Variants in KDM4C observed in about 807,000 individuals in gnomAD.
KDM4C encodes lysine demethylase 4C, also known as lysine-specific demethylase 4C.
KDM4C carries 81 observed loss-of-function variants against 129.3 expected under a neutral mutation model. The observed-to-expected ratio is 0.63, with a 90% CI of 0.52 to 0.75. KDM4C has a LOEUF of 0.75. Among genes scored for constraint, KDM4C ranks in the 30% least tolerant of loss-of-function variants. The probability of loss-of-function intolerance (pLI) is 0.00; values close to 1 mark genes in which losing one functional copy is unlikely to be tolerated. For missense variants in KDM4C, 1,457 were observed against 1,304.0 expected (o/e 1.12, Z -1.81); for synonymous variants, 573 against 456.1 (o/e 1.26, Z -3.26).
At chr9:7,156,694 T>A (rs12343417) in intron 19 of KDM4C, among the ~76,000 whole-genome samples, 2,634 of 152,316 alleles carry the variant, frequency 0.017, 73 homozygotes, top group African/African-American at 0.06. Flanking sequence ...AGGCCTGTGT[T>A]CTGTTCCATT....
chr9:6,879,683 G>T (rs1280131069), intron 5 of KDM4C, among the ~76,000 whole-genome samples: 1 of 152,184 alleles, frequency 6.6e-6, no homozygotes, highest in Non-Finnish European at 1.5e-5. Flanking sequence ...GGGGTGCTAT[G>T]AGAGCTGGCA....
At chr9:6,888,546 C>T (rs981509345) in intron 7 of KDM4C, among the ~76,000 whole-genome samples, 4 of 152,088 alleles carry the variant, frequency 2.6e-5, no homozygotes, top group African/African-American at 4.8e-5. Flanking sequence ...ATTGCTTCTG[C>T]GAGTTTTCTG....
At chr9:6,852,901 T>G (rs1839118926) in intron 5 of KDM4C, among the ~76,000 whole-genome samples, 1 of 152,128 alleles carries the variant, frequency 6.6e-6, no homozygotes, top group East Asian at 1.9e-4. Context: ...TAGACATTGT[T>G]TTGGCATCTT....
intron 2 of KDM4C, among the ~76,000 whole-genome samples, chr9:6,804,633 CTGTAATCCTGGCTACT>C (rs1829633863): frequency 6.6e-6 from 1 of 151,926 alleles, no homozygotes; most frequent in Admixed American, 6.6e-5. Context: ...TGGCAGGCGC[CTGTAATCCTGGCTACT>C]TGGGAGCCTG....
intron 8 of KDM4C, among the ~76,000 whole-genome samples, chr9:6,963,736 C>T (rs1005674833): frequency 3.3e-5 from 5 of 152,178 alleles, no homozygotes; most frequent in African/African-American, 7.2e-5. Flanking sequence ...CACATTCTTC[C>T]AGAGAAGCAT....
chr9:6,849,125 C>G (rs557232147), intron 4 of KDM4C, among the ~76,000 whole-genome samples: 20 of 152,292 alleles, frequency 1.3e-4, no homozygotes, highest in Non-Finnish European at 2.5e-4. Flanking sequence ...AAACCCAAAT[C>G]TCAAAACCCC....
At chr9:6,889,248 T>TGTGTGTGTGTGTGTGTGTGG (rs1845756322) in intron 7 of KDM4C, among the ~76,000 whole-genome samples, 1 of 83,648 alleles carries the variant, frequency 1.2e-5, no homozygotes, top group Non-Finnish European at 2.4e-5. Context: ...TGTGTGTGTG[T>TGTGTGTGTGTGTGTGTGTGG]GTGGGAGGGT....
intron 6 of KDM4C, among the ~76,000 whole-genome samples, chr9:6,881,154 A>C (rs1007261609): frequency 6.6e-6 from 1 of 152,208 alleles, no homozygotes; most frequent in African/African-American, 2.4e-5. Flanking sequence ...GAGAAACCTC[A>C]TTGCTTGACT....
chr9:6,727,052 A>G (rs751720865), intron 1 of KDM4C: 4 of 152,174 alleles, frequency 2.6e-5, no homozygotes, highest in African/African-American at 4.8e-5. Context: ...TTATATTTGT[A>G]AAAAGCGTAC....
intron 5 of KDM4C, among the ~76,000 whole-genome samples, chr9:6,871,402 C>T (rs1464039302): frequency 6.6e-6 from 1 of 151,944 alleles, no homozygotes; most frequent in African/African-American, 2.4e-5. Context: ...TTTCCTTGGC[C>T]TTCAAAATAA....
chr9:6,792,615 C>T (rs997761711), intron 1 of KDM4C, among the ~76,000 whole-genome samples: 1 of 152,092 alleles, frequency 6.6e-6, no homozygotes, highest in Non-Finnish European at 1.5e-5. Flanking sequence ...TCTCGAACTC[C>T]TGACCTTGTG....
At chr9:7,095,933 G>A (rs1163975956) in intron 17 of KDM4C, among the ~76,000 whole-genome samples, 2 of 152,184 alleles carry the variant, frequency 1.3e-5, no homozygotes, top group Non-Finnish European at 2.9e-5. Flanking sequence ...GGAAATAGGT[G>A]CTCTTTAATA....
At position 6,865,238 on chromosome 9, in the gene KDM4C, G is replaced by A. The variant is rs566626860; in HGVS notation, c.630-14774G>A. The stretch of plus-strand genomic sequence containing the variant: ...TTTGCCAGGATGGTCTCGATCTCCT[G>A]ACCTCGTGATCCGACCGCCTTGGCC... On this transcript the variant is annotated intron_variant, in intron 5 of 21. Coordinates refer to ENST00000381309, the MANE Select transcript of KDM4C (RefSeq NM_015061.6). 8.5e-5 allele frequency among the ~76,000 whole-genome samples: 13 copies of A among 152,184 alleles called. No homozygotes were observed. In the South Asian group the frequency reaches 2.7e-3, roughly 32 times the overall value.
At chr9:7,047,380 T>G (rs1203600777) in intron 16 of KDM4C, among the ~76,000 whole-genome samples, 1 of 151,898 alleles carries the variant, frequency 6.6e-6, no homozygotes, top group African/African-American at 2.4e-5. Context: ...GTGTACTAAA[T>G]TAGAAAAGAT....
chr9:6,919,535 CTG>C lies in KDM4C; in HGVS notation c.921+26305_921+26306del, dbSNP rs1375073047. 1.9e-4 allele frequency among the ~76,000 whole-genome samples: 11 copies of C among 57,514 alleles called. No individual in the cohort carries two copies. The Admixed American group carries it at 2.4e-3, about 13-fold the overall frequency. The allele number at this position is 57,514 out of a possible 152,430, so 37.7% of individuals were successfully genotyped here. Reference sequence around the variant, plus strand: ...TATTTCATCTTTCAATTTCATCTGTCTGTCTGTCTGTCTATCTATCTATCTAT... The same window carrying C: ...TATTTCATCTTTCAATTTCATCTGTCTCTGTCTGTCTATCTATCTATCTAT... On this transcript the variant is annotated intron_variant, in intron 8 of 21. Coordinates refer to ENST00000381309, the MANE Select transcript of KDM4C (RefSeq NM_015061.6).
In KDM4C at chr9:7,062,674, G is replaced by A. The variant is rs566112828; in HGVS notation, c.2424+13474G>A. On this transcript the variant is annotated intron_variant, in intron 17 of 21. Coordinates refer to ENST00000381309, the MANE Select transcript of KDM4C (RefSeq NM_015061.6). ...GCTGGGATTATAGGCATGCGCCACC[G>A]TGCCCAGCCCCCTTTTTTTTTTCCC... 5.9e-5 allele frequency among the ~76,000 whole-genome samples: 9 copies of A among 151,934 alleles called. No homozygotes were observed. In the South Asian group the frequency reaches 1.5e-3, roughly 25 times the overall value.
intron 5 of KDM4C, among the ~76,000 whole-genome samples, chr9:6,862,036 T>G (rs1467524894): frequency 6.6e-6 from 1 of 152,122 alleles, no homozygotes; most frequent in Non-Finnish European, 1.5e-5. Flanking sequence ...CCTCCCAAAG[T>G]GCTGGGATTA....
rs75577570 is a variant in KDM4C at position 7,054,116 on chromosome 9, C to T, written c.2424+4916C>T. ...CAAACCCCTTCCCTGTGCCCTGCAG[C>T]ACCTTCTCTGTTCACCAAAAGAATA... is the stretch of plus-strand genomic sequence containing the variant. On this transcript the variant is annotated intron_variant, in intron 17 of 21. Coordinates refer to ENST00000381309, the MANE Select transcript of KDM4C (RefSeq NM_015061.6). 9.2e-3 allele frequency among the ~76,000 whole-genome samples: 1,396 copies of T among 152,316 alleles called. 24 individuals carry two copies. The highest frequency in any genetic ancestry group is 0.029 in the African/African-American group (1,214 of 41,564).
At chr9:6,829,365 G>T (rs940690182) in intron 4 of KDM4C, among the ~76,000 whole-genome samples, 2 of 152,230 alleles carry the variant, frequency 1.3e-5, no homozygotes, top group African/African-American at 4.8e-5. Flanking sequence ...GCAGATTTCT[G>T]TGGGAAAGTA....
Sources: allele counts gnomAD v4.1 joint callset (sites outside exome capture counted in the v4.1 genomes callset), GRCh38; gene constraint gnomAD v4.1.1; transcripts MANE v1.5; gene names NCBI Gene and HGNC (gene_info 2026-07-23, HGNC 2026-07-21).